The following RNF32 variants were observed in gnomAD, a reference collection of about 807,000 sequenced individuals.
RNF32 encodes ring finger protein 32.
Under a neutral mutation model 41.0 loss-of-function variants are expected in RNF32, and 36 were observed. That is an observed-to-expected ratio of 0.88 (90% CI 0.67 to 1.16). The LOEUF is 1.16. Among genes scored for constraint, RNF32 ranks in the 50% most tolerant of loss-of-function variants. The pLI, the probability that RNF32 is intolerant of heterozygous loss-of-function variation, is 0.00. For missense variants in RNF32, 413 were observed against 436.7 expected, an observed-to-expected ratio of 0.95 and a Z score of 0.48; for synonymous variants, 154 against 160.9, an observed-to-expected ratio of 0.96 and a Z score of 0.32.
chr7:156,658,253 G>A lies in RNF32; in HGVS notation c.575+1G>A. On this transcript the variant is annotated splice_donor_variant, in intron 6 of 8. Coordinates refer to ENST00000317955, the MANE Select transcript of RNF32 (RefSeq NM_030936.4). LOFTEE classifies it high-confidence loss of function. Reference sequence around the variant, plus strand: ...TGTTCAGAATCAAGTGTGTGACCAGGTGAGGACGCCAGGCCCGTTTGGCGC... The same window carrying A: ...TGTTCAGAATCAAGTGTGTGACCAGATGAGGACGCCAGGCCCGTTTGGCGC... The A allele has an allele frequency of 1.9e-6, 3 of 1,613,754 alleles. No homozygotes were observed. The highest frequency in any genetic ancestry group is 1.7e-6 in the Non-Finnish European group (2 of 1,179,950).
chr7:156,657,488 C>T, intron 4 of RNF32, 53 bp from the exon 5 acceptor site: 24 of 1,573,456 alleles, frequency 1.5e-5, no homozygotes, highest in Non-Finnish European at 2.0e-5. Context: ...CTGTTGGATA[C>T]ATGCTGCTTC....
rs759297205 is a variant in RNF32, at chr7:156,658,134, C to G, written c.457C>G (p.Leu153Val). 10 of 1,613,382 alleles carry G rather than the reference C, an allele frequency of 6.2e-6. No individual in the cohort carries two copies. In the African/African-American group the frequency reaches 1.3e-4, roughly 22 times the overall value. ...GTGAAATGTTTTTCTTCAGGCATGTCTTCAGGCTTTTGAAAAGTTCACAAA... is the reference window on the plus strand; with the variant it reads ...GTGAAATGTTTTTCTTCAGGCATGTGTTCAGGCTTTTGAAAAGTTCACAAA... Reference protein sequence around the residue: ...SCSHVFHKACLQAFEKFTNKK... With the variant: ...SCSHVFHKACVQAFEKFTNKK... Residue 153 changes from leucine to valine, a missense_variant, in exon 6 of 9, where the codon CTT becomes GTT. Transcript: ENST00000317955.
upstream of RNF32, chr7:156,640,462 G>C (rs987528976): frequency 1.6e-5 from 6 of 365,076 alleles, no homozygotes; most frequent in East Asian, 4.9e-4. Context: ...CCGTGCTTCA[G>C]CCCGCGGCTC....
At position 156,652,731 on chromosome 7, in the gene RNF32, A is replaced by C. The variant is rs188042101; in HGVS notation, c.275-1845A>C. ...TTTGAGAAATAGAAAAAGCTTATAG[A>C]ATAAGGATAAGAAAGAAAATATTTT... On this transcript the variant is annotated intron_variant, in intron 3 of 8. Coordinates refer to ENST00000317955, the MANE Select transcript of RNF32 (RefSeq NM_030936.4). Among the ~76,000 whole-genome samples the C allele has an allele frequency of 3.9e-5, 6 of 151,908 alleles. No individual in the cohort carries two copies. In the East Asian group the frequency reaches 1.2e-3, roughly 29 times the overall value.
At chr7:156,672,987 C>T (rs763002318) in intron 7 of RNF32, among the ~76,000 whole-genome samples, 21 of 152,366 alleles carry the variant, frequency 1.4e-4, no homozygotes, top group Admixed American at 1.0e-3. Flanking sequence ...ACTGTGGCCT[C>T]GGCAGGCCCG....
chr7:156,649,204 G>A (rs1798377765), intron 3 of RNF32, among the ~76,000 whole-genome samples: 1 of 151,642 alleles, frequency 6.6e-6, no homozygotes, highest in African/African-American at 2.4e-5. Context: ...AAATTCTGCT[G>A]GAGATTTTTT....
intron 7 of RNF32, among the ~76,000 whole-genome samples, chr7:156,661,092 C>T (rs774757609): frequency 6.6e-6 from 1 of 152,182 alleles, no homozygotes; most frequent in Non-Finnish European, 1.5e-5. Context: ...TGTCCCTTGC[C>T]GGGCATGGCC....
intron 4 of RNF32, 66 bp downstream of exon 4, chr7:156,654,784 T>G (rs774337468): frequency 6.8e-7 from 1 of 1,468,602 alleles, no homozygotes; most frequent in Non-Finnish European, 9.4e-7. Flanking sequence ...GGCCCAGAGC[T>G]GGAGCCTAAG....
chr7:156,657,450 C>G, intron 4 of RNF32, 91 bp from the exon 5 acceptor site: 1 of 1,246,508 alleles, frequency 8.0e-7, no homozygotes, highest in Non-Finnish European at 1.2e-6. Context: ...AATAATACAG[C>G]TTACCTTCTA....
intron 4 of RNF32, among the ~76,000 whole-genome samples, chr7:156,657,063 T>C (rs138865664): frequency 1.5e-3 from 234 of 152,372 alleles, no homozygotes; most frequent in African/African-American, 5.0e-3. Context: ...AAAGACTCCA[T>C]GATTTGTTGC....
chr7:156,675,662 G>A (rs753282723), intron 7 of RNF32, 34 bp from the exon 8 acceptor site: 10 of 1,594,606 alleles, frequency 6.3e-6, no homozygotes, highest in Non-Finnish European at 7.7e-6. Flanking sequence ...ACCGAGCTCA[G>A]GTGTGAGCTT....
Position 156,658,558 on chromosome 7 carries a change from C to A in RNF32, c.672C>A (p.Phe224Leu), listed in dbSNP as rs915443973. ...CAGATGCCAAGTTAAGAAAAAAATTCTTTGAAAAAAAGGTAGGTAAAGATC... is the reference window on the plus strand; with the variant it reads ...CAGATGCCAAGTTAAGAAAAAAATTATTTGAAAAAAAGGTAGGTAAAGATC... ...PPTDAKLRKK[F>L]FEKKFTEISH... The change falls in exon 7 of 9, where the codon TTC becomes TTA. Residue 224 changes from phenylalanine (F) to leucine (L), a missense_variant. Coordinates refer to ENST00000317955, the MANE Select transcript of RNF32 (RefSeq NM_030936.4). 1.2e-6 allele frequency: 2 copies of A among 1,608,552 alleles called. No individual in the cohort carries two copies. The highest frequency in any genetic ancestry group is 8.5e-7 in the Non-Finnish European group (1 of 1,175,554).
intron 1 of RNF32, chr7:156,643,092 G>A (rs911095880): frequency 5.3e-5 from 8 of 152,186 alleles, no homozygotes; most frequent in Non-Finnish European, 4.4e-5. Flanking sequence ...ACAAGAGTAA[G>A]TTCTGTGTGA....
chr7:156,647,391 G>A (rs1006975383), intron 3 of RNF32, among the ~76,000 whole-genome samples: 1 of 151,948 alleles, frequency 6.6e-6, no homozygotes, highest in Non-Finnish European at 1.5e-5. Flanking sequence ...TTATACCACT[G>A]TGTATGCCTT....
At chr7:156,652,497 C>A (rs185754729) in intron 3 of RNF32, among the ~76,000 whole-genome samples, 1 of 152,188 alleles carries the variant, frequency 6.6e-6, no homozygotes, top group African/African-American at 2.4e-5. Context: ...TTTTCTGTCT[C>A]CTGATATATG....
rs935527420 is a variant in RNF32 at position 156,659,600 on chromosome 7, T to C, written c.684+1030T>C. On this transcript the variant is annotated intron_variant, in intron 7 of 8. Coordinates refer to ENST00000317955, the MANE Select transcript of RNF32 (RefSeq NM_030936.4). ...CCTCTTATACAATTTTAATTACAGA[T>C]TTGATAGTCATTTTACCTTATATAT... 5.3e-6 allele frequency: 5 copies of C among 941,066 alleles called. No individual in the cohort carries two copies. The East Asian group carries it at 4.6e-4, about 87-fold the overall frequency. 58.3% of individuals were successfully genotyped at this position (941,066 alleles called of 1,614,324 possible).
chr7:156,664,696 A>ATG (rs1433791051), intron 7 of RNF32, among the ~76,000 whole-genome samples: 2 of 152,246 alleles, frequency 1.3e-5, no homozygotes, highest in Non-Finnish European at 2.9e-5. Context: ...TTAATAATAA[A>ATG]TGTGAGACAA....
intron 5 of RNF32, among the ~76,000 whole-genome samples, 200 bp from the exon 6 acceptor site, chr7:156,657,928 G>A (rs1161627487): frequency 6.6e-6 from 1 of 152,130 alleles, no homozygotes; most frequent in Non-Finnish European, 1.5e-5. Context: ...GTATATTCTT[G>A]TAAGAAATCA....
chr7:156,662,650 A>C (rs1014927312), intron 7 of RNF32, among the ~76,000 whole-genome samples: 5 of 152,096 alleles, frequency 3.3e-5, no homozygotes, highest in African/African-American at 9.7e-5. Flanking sequence ...AGGTGTACCC[A>C]TATAAATAGA....
Sources: allele counts gnomAD v4.1 joint callset (sites outside exome capture counted in the v4.1 genomes callset), GRCh38; gene constraint gnomAD v4.1.1; transcripts MANE v1.5; gene names NCBI Gene and HGNC (gene_info 2026-07-23, HGNC 2026-07-21).